DOK5: variants seen among roughly 807,000 people sequenced by gnomAD.
The protein encoded by DOK5 is docking protein 5, also known as downstream of tyrosine kinase 5.
DOK5 carries 27 observed loss-of-function variants against 43.3 expected under a neutral mutation model. The ratio of observed to expected loss-of-function variants is 0.62; its 90% CI spans 0.46 to 0.86. The LOEUF (loss-of-function observed/expected upper bound fraction) is 0.86, where lower values mean the gene tolerates loss of function less well. Ranked by LOEUF, DOK5 falls within the 40% of genes least tolerant of loss-of-function variation. The pLI, the probability that DOK5 is intolerant of heterozygous loss-of-function variation, is 0.00. For missense variants in DOK5, 373 were observed against 392.9 expected, an observed-to-expected ratio of 0.95 and a Z score of 0.43; for synonymous variants, 146 against 140.1, an observed-to-expected ratio of 1.04 and a Z score of -0.30.
chr20:54,551,550 T>G (rs1458693999), intron 1 of DOK5, among the ~76,000 whole-genome samples: 1 of 152,228 alleles, frequency 6.6e-6, no homozygotes, highest in Non-Finnish European at 1.5e-5. Flanking sequence ...AATATTTAGG[T>G]CTATTTTAAG....
chr20:54,533,945 A>G (rs957059935), intron 1 of DOK5, among the ~76,000 whole-genome samples: 2 of 152,150 alleles, frequency 1.3e-5, no homozygotes, highest in Non-Finnish European at 2.9e-5. Flanking sequence ...CAGCAACCAT[A>G]CTATAACTTA....
rs57981823 is a variant in DOK5, at chr20:54,539,279, CAAAAAAAAAAAAAAAA to C, written c.67-15639_67-15624del. Among the ~76,000 whole-genome samples, 5 of 44,730 alleles carry C rather than the reference CAAAAAAAAAAAAAAAA, an allele frequency of 1.1e-4. No individual in the cohort carries two copies. The South Asian group carries it at 3.2e-3, about 29-fold the overall frequency. 29.3% of individuals were successfully genotyped at this position (44,730 alleles called of 152,430 possible). On this transcript the variant is annotated intron_variant, in intron 1 of 7. Transcript: ENST00000262593. ...GGGCAACAGAGCGAGGCTCCATCTC[CAAAAAAAAAAAAAAAA>C]AAAAAAAAAAAAAAGTGGAGAACAG...
At chr20:54,555,301 T>C (rs565602822) in intron 2 of DOK5, 25 of 396,640 alleles carry the variant, frequency 6.3e-5, no homozygotes, top group African/African-American at 4.7e-4. Flanking sequence ...CATGTTGTTG[T>C]ACTCCCTACA....
chr20:54,625,248 G>A (rs1600747045), intron 6 of DOK5, among the ~76,000 whole-genome samples: 2 of 152,212 alleles, frequency 1.3e-5, no homozygotes, highest in East Asian at 1.9e-4. Context: ...TTAGAATGTC[G>A]GGGAAGACCA....
intron 1 of DOK5, among the ~76,000 whole-genome samples, chr20:54,502,496 A>G (rs1212456662): frequency 6.6e-6 from 1 of 152,188 alleles, no homozygotes; most frequent in Non-Finnish European, 1.5e-5. Flanking sequence ...TCAAAAGGGT[A>G]TACAGGAAAG....
At chr20:54,563,159 G>A (rs1403874708) in intron 2 of DOK5, among the ~76,000 whole-genome samples, 1 of 152,158 alleles carries the variant, frequency 6.6e-6, no homozygotes, top group Non-Finnish European at 1.5e-5. Flanking sequence ...GCCTCCAGTA[G>A]GAACCAACCC....
chr20:54,495,359 C>T (rs1288853598), intron 1 of DOK5, among the ~76,000 whole-genome samples: 2 of 152,072 alleles, frequency 1.3e-5, no homozygotes, highest in African/African-American at 4.8e-5. Flanking sequence ...GGTTATAGCT[C>T]GTTGTAGCCA....
intron 7 of DOK5, among the ~76,000 whole-genome samples, chr20:54,645,065 T>TC (rs2146833258): frequency 7.4e-6 from 1 of 135,004 alleles, no homozygotes; most frequent in Admixed American, 8.4e-5. Context: ...TGGACTGCAG[T>TC]GGCGCGATCT....
intron 6 of DOK5, among the ~76,000 whole-genome samples, chr20:54,632,985 C>T (rs1454264853): frequency 2.0e-5 from 3 of 152,124 alleles, no homozygotes; most frequent in African/African-American, 7.2e-5. Flanking sequence ...GCAGGAGAAT[C>T]GCTTGAACCC....
chr20:54,491,065 C>T (rs1471746621), intron 1 of DOK5, among the ~76,000 whole-genome samples: 1 of 152,228 alleles, frequency 6.6e-6, no homozygotes, highest in Non-Finnish European at 1.5e-5. Context: ...AACTGTTTGA[C>T]CATCCAATCT....
Position 54,542,139 on chromosome 20 carries a change from C to T in DOK5, c.67-12794C>T, listed in dbSNP as rs552042972. Among the ~76,000 whole-genome samples the T allele has an allele frequency of 2.1e-4, 31 of 151,054 alleles. 1 individual carries two copies. In the South Asian group the frequency reaches 3.8e-3, roughly 18 times the overall value. ...ACACACACACACACACACACACACA[C>T]GCATGTAAGCATATATATCTTATTG... On this transcript the variant is annotated intron_variant, in intron 1 of 7. Transcript: ENST00000262593.
intron 6 of DOK5, among the ~76,000 whole-genome samples, chr20:54,640,029 C>G (rs1315884674): frequency 1.3e-5 from 2 of 152,166 alleles, no homozygotes; most frequent in African/African-American, 4.8e-5. Context: ...AGGATGCCCT[C>G]CCGTCTCAGG....
At position 54,610,412 on chromosome 20, in the gene DOK5, G is replaced by A; in HGVS notation, c.624G>A (p.Leu208=). 1.9e-6 allele frequency: 3 copies of A among 1,588,266 alleles called. No individual in the cohort carries two copies. Among genetic ancestry groups the A allele is most frequent in the Non-Finnish European group, 2.6e-6 (3 of 1,168,894 alleles). Residue 208 remains leucine (L), a synonymous_variant, in exon 6 of 8, where the codon CTG becomes CTA. Coordinates refer to ENST00000262593, the MANE Select transcript of DOK5 (RefSeq NM_018431.5). ...GGATGTGTGAGACTGGTGAAGGGCTGTTTATCTTTCAGACCCGAGACGGGG... is the reference window on the plus strand; with the variant it reads ...GGATGTGTGAGACTGGTGAAGGGCTATTTATCTTTCAGACCCGAGACGGGG... ...AGRMCETGEG[L]FIFQTRDGEA...
intron 1 of DOK5, among the ~76,000 whole-genome samples, chr20:54,485,530 C>A (rs750177818): frequency 1.3e-5 from 2 of 151,864 alleles, no homozygotes; most frequent in African/African-American, 4.8e-5. Flanking sequence ...CAATAGGTAC[C>A]GTAGTTTGTT....
chr20:54,507,448 A>C (rs1196384768), intron 1 of DOK5, among the ~76,000 whole-genome samples: 1 of 152,238 alleles, frequency 6.6e-6, no homozygotes, highest in Non-Finnish European at 1.5e-5. Flanking sequence ...TTAACCCATA[A>C]AAATATAAAA....
intron 2 of DOK5, among the ~76,000 whole-genome samples, chr20:54,560,947 T>G (rs1984883211): frequency 6.6e-6 from 1 of 152,172 alleles, no homozygotes; most frequent in African/African-American, 2.4e-5. Flanking sequence ...TATGGGCTTC[T>G]GTGGCTCATT....
At position 54,606,987 on chromosome 20, in the gene DOK5, C is replaced by A. The variant is rs549321916; in HGVS notation, c.600-3401C>A. ...GTTGATTAAGGCCTTTTGACTCTCA[C>A]AACTTAAAAAGAAAATGAAACAAGT... On this transcript the variant is annotated intron_variant, in intron 5 of 7. Coordinates refer to ENST00000262593, the MANE Select transcript of DOK5 (RefSeq NM_018431.5). 3.9e-5 allele frequency among the ~76,000 whole-genome samples: 6 copies of A among 152,276 alleles called. No individual in the cohort carries two copies. The South Asian group carries it at 1.2e-3, about 32-fold the overall frequency.
intron 6 of DOK5, among the ~76,000 whole-genome samples, chr20:54,631,140 A>C (rs1978548245): frequency 6.6e-6 from 1 of 152,230 alleles, no homozygotes. Context: ...AAATGACAAA[A>C]GAAAATGGCA....
chr20:54,636,765 C>T (rs1321217494), intron 6 of DOK5, among the ~76,000 whole-genome samples: 1 of 152,232 alleles, frequency 6.6e-6, no homozygotes, highest in East Asian at 1.9e-4. Flanking sequence ...ATGCCATGAT[C>T]TCCATGAATT....
Sources: gnomAD v4.1 joint callset for allele counts (sites outside exome capture counted in the v4.1 genomes callset) on GRCh38, gnomAD v4.1.1 for gene constraint, MANE v1.5 for transcripts, NCBI Gene and HGNC (gene_info 2026-07-23, HGNC 2026-07-21) for gene names.